VPS45: variants seen among roughly 807,000 people sequenced by gnomAD.
The protein encoded by VPS45 is vacuolar protein sorting 45 homolog.
VPS45 carries 35 observed loss-of-function variants against 75.9 expected under a neutral mutation model. That is an observed-to-expected ratio of 0.46 (90% confidence interval 0.35 to 0.61). The LOEUF (loss-of-function observed/expected upper bound fraction) is 0.61, where lower values mean the gene tolerates loss of function less well. Among genes scored for constraint, VPS45 ranks in the 20% least tolerant of loss-of-function variants. VPS45 has a pLI of 0.00. For missense variants in VPS45, 559 were observed against 685.9 expected, an observed-to-expected ratio of 0.81 and a Z score of 2.07; for synonymous variants, 220 against 238.2, an observed-to-expected ratio of 0.92 and a Z score of 0.70.
chr1:150,113,819 T>C (rs925506557), intron 14 of VPS45, among the ~76,000 whole-genome samples: 15 of 151,860 alleles, frequency 9.9e-5, no homozygotes, highest in Admixed American at 4.6e-4. Flanking sequence ...TGCTTGAACC[T>C]GGGAGGTAGA....
At chr1:150,068,291 G>C (rs1210461072) in intron 1 of VPS45, 6 of 362,242 alleles carry the variant, frequency 1.7e-5, no homozygotes, top group Non-Finnish European at 3.0e-5. Flanking sequence ...AAGTAAAGCT[G>C]TTGGAGCTCA....
intron 4 of VPS45, 159 bp from the exon 5 acceptor site, chr1:150,076,757 T>A (rs1571822912): frequency 2.9e-6 from 2 of 680,822 alleles, no homozygotes; most frequent in South Asian, 3.7e-5. Context: ...TTCTCCCACG[T>A]TGACTGTTGT....
intron 3 of VPS45, among the ~76,000 whole-genome samples, chr1:150,074,955 CTTTTTTTTTTT>C (rs782039324): frequency 1.2e-5 from 1 of 81,108 alleles, no homozygotes; most frequent in Non-Finnish European, 2.1e-5. Context: ...ATTATTTATT[CTTTTTTTTTTT>C]TTTTTTTTTT....
chr1:150,092,549 G>A (rs1656390340), intron 12 of VPS45, 140 bp downstream of exon 12: 2 of 641,336 alleles, frequency 3.1e-6, no homozygotes, highest in South Asian at 7.1e-5. Context: ...ATTAAAACTG[G>A]CATCCTCTTG....
At chr1:150,102,162 C>T (rs1394081904) in intron 13 of VPS45, among the ~76,000 whole-genome samples, 1 of 139,622 alleles carries the variant, frequency 7.2e-6, no homozygotes, top group African/African-American at 2.7e-5. Context: ...CACTTGAACC[C>T]GGGAGGTGGA....
chr1:150,123,304 A>T (rs587670496), intron 14 of VPS45, among the ~76,000 whole-genome samples: 2 of 152,128 alleles, frequency 1.3e-5, no homozygotes, highest in Non-Finnish European at 2.9e-5. Context: ...TCCTTTGGCT[A>T]TTATAAGTAA....
chr1:150,134,369 T>G (rs1658973378), intron 14 of VPS45, among the ~76,000 whole-genome samples: 1 of 152,212 alleles, frequency 6.6e-6, no homozygotes, highest in Non-Finnish European at 1.5e-5. Flanking sequence ...AATTGTATTT[T>G]AATATAATAT....
At chr1:150,109,391 A>G (rs1475908500) in intron 13 of VPS45, 1 of 152,098 alleles carries the variant, frequency 6.6e-6, no homozygotes, top group Non-Finnish European at 1.5e-5. Context: ...AAATAGCCAC[A>G]ATAGCTGATT....
chr1:150,068,818 C>T, intron 2 of VPS45, 54 bp downstream of exon 2: 1 of 1,456,684 alleles, frequency 6.9e-7, no homozygotes, highest in Non-Finnish European at 9.1e-7. Flanking sequence ...ACACTCTGAT[C>T]TGAAAGCATT....
At chr1:150,074,433 G>A (rs1462237456) in intron 3 of VPS45, among the ~76,000 whole-genome samples, 2 of 152,184 alleles carry the variant, frequency 1.3e-5, no homozygotes, top group South Asian at 2.1e-4. Context: ...GTATTCCATG[G>A]TATGAATGTA....
intron 12 of VPS45, among the ~76,000 whole-genome samples, chr1:150,092,837 CTTTTT>C (rs11451750): frequency 1.1e-5 from 1 of 94,452 alleles, no homozygotes; most frequent in Non-Finnish European, 1.9e-5. Flanking sequence ...GCTAGCCTTT[CTTTTT>C]TTTTTTTTTT....
Position 150,144,984 on chromosome 1 carries a change from G to C in VPS45, c.*188G>C. 1 of 1,483,082 alleles carries C rather than the reference G, an allele frequency of 6.7e-7. No homozygotes were observed. Among genetic ancestry groups the C allele is most frequent in the Non-Finnish European group, 9.0e-7 (1 of 1,107,348 alleles). The allele number at this position is 1,483,082 out of a possible 1,614,324, so 91.9% of individuals were successfully genotyped here. On this transcript the variant is annotated 3_prime_UTR_variant, in exon 15 of 15. Transcript: ENST00000644510. Reference sequence around the variant, plus strand: ...AGAGTTGTCCTAACAATAAGTCTGAGCCCATCTCAACCCACTTTTCTCCGG... The same window carrying C: ...AGAGTTGTCCTAACAATAAGTCTGACCCCATCTCAACCCACTTTTCTCCGG...
At chr1:150,069,253 A>G (rs1251334012) in intron 2 of VPS45, among the ~76,000 whole-genome samples, 3 of 151,888 alleles carry the variant, frequency 2.0e-5, no homozygotes, top group African/African-American at 4.8e-5. Context: ...CAGCCTTCCT[A>G]TGTCCTAGGT....
chr1:150,102,172 A>G (rs1269853237), intron 13 of VPS45, among the ~76,000 whole-genome samples: 2 of 143,052 alleles, frequency 1.4e-5, no homozygotes, highest in Non-Finnish European at 3.0e-5. Context: ...CGGGAGGTGG[A>G]GATTGTGATG....
chr1:150,131,434 T>C (rs10888572), intron 14 of VPS45, among the ~76,000 whole-genome samples: 39,816 of 151,834 alleles, frequency 0.26, 7,866 homozygotes, highest in African/African-American at 0.56. Flanking sequence ...TCGCTTGAAC[T>C]TGGGAGGCAG....
intron 13 of VPS45, among the ~76,000 whole-genome samples, chr1:150,107,033 C>T (rs1039189048): frequency 6.6e-6 from 1 of 152,132 alleles, no homozygotes; most frequent in African/African-American, 2.4e-5. Flanking sequence ...TCTGATTCTC[C>T]TCCTACCTTT....
At chr1:150,120,064 C>T (rs917889083) in intron 14 of VPS45, among the ~76,000 whole-genome samples, 5 of 152,016 alleles carry the variant, frequency 3.3e-5, no homozygotes, top group South Asian at 2.1e-4. Flanking sequence ...GCTGAGATCG[C>T]GCCATCGCAC....
intron 13 of VPS45, among the ~76,000 whole-genome samples, chr1:150,097,500 T>A (rs946663912): frequency 6.6e-6 from 1 of 151,576 alleles, no homozygotes; most frequent in Non-Finnish European, 1.5e-5. Flanking sequence ...GGGCAGATTC[T>A]TTGAGGTCAG....
At chr1:150,082,996 A>G in intron 10 of VPS45, 113 bp downstream of exon 10, 1 of 1,042,496 alleles carries the variant, frequency 9.6e-7, no homozygotes, top group Non-Finnish European at 1.4e-6. Flanking sequence ...TCCAACAAGG[A>G]GCTGACATGA....
Sources: allele counts gnomAD v4.1 joint callset (sites outside exome capture counted in the v4.1 genomes callset), GRCh38; gene constraint gnomAD v4.1.1; transcripts MANE v1.5; gene names NCBI Gene and HGNC (gene_info 2026-07-23, HGNC 2026-07-21).